Variants in ZNF197 observed in about 807,000 individuals in gnomAD.
ZNF197 encodes the protein VHL-associated KRAB-A domain-containing protein.
In ZNF197, 14 loss-of-function variants were observed where a neutral mutation model predicts 27.4. The ratio of observed to expected loss-of-function variants is 0.51; its 90% CI spans 0.34 to 0.80. The LOEUF is 0.80. Ranked by LOEUF, ZNF197 falls within the 30% of genes least tolerant of loss-of-function variation. The pLI, the probability that ZNF197 is intolerant of heterozygous loss-of-function variation, is 0.02. For synonymous variants in ZNF197, 415 were observed against 420.0 expected (o/e 0.99, Z 0.15); for missense variants, 1,090 against 1,222.6 (o/e 0.89, Z 1.62).
chr3:44,635,263 A>T (rs1702221311), intron 5 of ZNF197, among the ~76,000 whole-genome samples: 1 of 152,142 alleles, frequency 6.6e-6, no homozygotes, highest in African/African-American at 2.4e-5. Flanking sequence ...TAAATTAAAA[A>T]AAAAATGTGC....
At position 44,646,110 on chromosome 3, in the gene ZNF197, G is replaced by T; in HGVS notation, c.*1890G>T. On this transcript the variant is annotated 3_prime_UTR_variant, in exon 6 of 6. Transcript: ENST00000344387. ...GTAGCCAAGAGTGAAAACTGGAAGG[G>T]GCCTAAGGCTTAAAGTCTTAAGACC... 1.0e-6 allele frequency: 1 copy of T among 985,308 alleles called. No individual in the cohort carries two copies. Among genetic ancestry groups the T allele is most frequent in the Non-Finnish European group, 1.2e-6 (1 of 829,926 alleles). The allele number at this position is 985,308 out of a possible 1,614,324, so 61.0% of individuals were successfully genotyped here.
rs78520136 is a variant in ZNF197, at chr3:44,636,906, G to A, written c.769+4307G>A. On this transcript the variant is annotated intron_variant, in intron 5 of 5. Coordinates refer to ENST00000344387, the MANE Select transcript of ZNF197 (RefSeq NM_006991.5). The stretch of plus-strand genomic sequence containing the variant: ...TTTTTTATTTTAACTATCCTAGTGG[G>A]TCTGAAATGATATCTCACTGTGGTT... Among the ~76,000 whole-genome samples the A allele has an allele frequency of 6.6e-3, 1,008 of 152,182 alleles. 7 individuals are homozygous for A. Among genetic ancestry groups the A allele is most frequent in the African/African-American group, 0.023 (942 of 41,506 alleles).
At chr3:44,625,329 A>G (rs1204755058) in intron 1 of ZNF197, among the ~76,000 whole-genome samples, 186 bp downstream of exon 1, 1 of 152,162 alleles carries the variant, frequency 6.6e-6, no homozygotes, top group South Asian at 2.1e-4. Flanking sequence ...AGCCGGCCCG[A>G]GGGAAGTACT....
rs1365308541 is a variant in ZNF197 at position 44,640,606 on chromosome 3, G to C, written c.770-1294G>C. On this transcript the variant is annotated intron_variant, in intron 5 of 5. Coordinates refer to ENST00000344387, the MANE Select transcript of ZNF197 (RefSeq NM_006991.5). The surrounding 1 kb of genome is among the most constrained non-coding windows in gnomAD (Gnocchi z 4.0). ...TTGGCCAGGCTGGTCTCAAAGTCCT[G>C]ACCTCAAGTGATCCGCCCTCCTCAG... Among the ~76,000 whole-genome samples, 1 of 152,154 alleles carries C rather than the reference G, an allele frequency of 6.6e-6. No homozygotes were observed. The highest frequency in any genetic ancestry group is 1.5e-5 in the Non-Finnish European group (1 of 68,034).
rs1306933273 is a variant in ZNF197 at position 44,647,600 on chromosome 3, T to G, written c.*3380T>G. On this transcript the variant is annotated 3_prime_UTR_variant, in exon 6 of 6. Coordinates refer to ENST00000344387, the MANE Select transcript of ZNF197 (RefSeq NM_006991.5). ...ACAAATTGTGGTTTATGTATTACCA[T>G]GGAATACTTGTTACTCTGCAATAAA... 1 of 152,222 alleles carries G rather than the reference T, an allele frequency of 6.6e-6. No individual in the cohort carries two copies. The highest frequency in any genetic ancestry group is 1.5e-5 in the Non-Finnish European group (1 of 68,034). The allele number at this position is 152,222 out of a possible 1,614,324, so 9.4% of individuals were successfully genotyped here.
chr3:44,643,619 G>A lies in ZNF197; in HGVS notation c.2489G>A (p.Arg830His), dbSNP rs368139935. 2.4e-5 allele frequency: 39 copies of A among 1,614,044 alleles called. No individual in the cohort carries two copies. The highest frequency in any genetic ancestry group is 1.6e-4 in the Middle Eastern group (1 of 6,084). The change falls in exon 6 of 6, where the codon CGC becomes CAC. Residue 830 changes from arginine (R) to histidine (H), a missense_variant. Transcript: ENST00000344387. ...GACTGTGGGAAGGTCTTCAGTTACC[G>A]CTCAAACCTTATAGCCCATCAGAGG... ...CNDCGKVFSY[R>H]SNLIAHQRIH...
chr3:44,642,046 T>C lies in ZNF197; in HGVS notation c.916T>C (p.Leu306=), dbSNP rs140445014. 116 of 1,614,064 alleles carry C rather than the reference T, an allele frequency of 7.2e-5. No homozygotes were observed. The African/African-American group carries it at 1.2e-3, about 17-fold the overall frequency. ...DFEEECEWQV[L]ASQWGNETDE... ...TGAAGAAGAGTGTGAATGGCAAGTTTTGGCAAGTCAGTGGGGAAATGAAAC... is the reference window on the plus strand; with the variant it reads ...TGAAGAAGAGTGTGAATGGCAAGTTCTGGCAAGTCAGTGGGGAAATGAAAC... The change falls in exon 6 of 6, where the codon TTG becomes CTG. Residue 306 remains leucine (L), a synonymous_variant. Coordinates refer to ENST00000344387, the MANE Select transcript of ZNF197 (RefSeq NM_006991.5).
In ZNF197 at chr3:44,642,872, T is replaced by TCGAGG. The variant is rs771637062; in HGVS notation, c.1743_1744insGAGGC (p.Leu582GlufsTer82). 9.3e-6 allele frequency: 15 copies of TCGAGG among 1,614,028 alleles called. No individual in the cohort carries two copies. The highest frequency in any genetic ancestry group is 1.3e-5 in the African/African-American group (1 of 74,926). ...AAAGTTTTCATTCGAAGCAAAAGCC[T>TCGAGG]CCTCTTACATCAGAGAGTCCACACA... is the stretch of plus-strand genomic sequence containing the variant. On this transcript the variant is annotated frameshift_variant, in exon 6 of 6. Coordinates refer to ENST00000344387, the MANE Select transcript of ZNF197 (RefSeq NM_006991.5). LOFTEE classifies it low-confidence loss of function (END_TRUNC).
In ZNF197 at chr3:44,629,078, T is replaced by C. The variant is rs1161768368; in HGVS notation, c.-77T>C. Reference sequence around the variant, plus strand: ...TGATTTCTTGAGGTCTTGTAGATGATACTCTCCAAGCTGTAAGGAAGAAGT... The same window carrying C: ...TGATTTCTTGAGGTCTTGTAGATGACACTCTCCAAGCTGTAAGGAAGAAGT... On this transcript the variant is annotated 5_prime_UTR_variant, in exon 2 of 6. Coordinates refer to ENST00000344387, the MANE Select transcript of ZNF197 (RefSeq NM_006991.5). 1.3e-6 allele frequency: 2 copies of C among 1,522,554 alleles called. No individual in the cohort carries two copies. The highest frequency in any genetic ancestry group is 4.5e-5 in the East Asian group (2 of 44,248). 94.3% of individuals were successfully genotyped at this position (1,522,554 alleles called of 1,614,324 possible). A position where few individuals can be genotyped will look rare whatever the true frequency, so the allele number is the denominator to read the frequency against.
In ZNF197 at chr3:44,642,953, A is replaced by T; in HGVS notation, c.1823A>T (p.Asn608Ile). Residue 608 changes from asparagine to isoleucine, a missense_variant, in exon 6 of 6, where the codon AAC becomes ATC. Asn to Ile is a moderately radical substitution (Grantham distance 149, BLOSUM62 -3). Transcript: ENST00000344387. ...GGGAAGATTTTCAGTTCTAAGTCAA[A>T]CTTCATTGACCATAAGAGGATGCAC... ...KCGKIFSSKSNFIDHKRMHSR... is the reference protein window; with the variant it reads ...KCGKIFSSKSIFIDHKRMHSR... 6.2e-7 allele frequency: 1 copy of T among 1,613,904 alleles called. No individual in the cohort carries two copies. Among genetic ancestry groups the T allele is most frequent in the South Asian group, 1.1e-5 (1 of 91,054 alleles).
In ZNF197 at chr3:44,640,723, C is replaced by A. The variant is rs1702553510; in HGVS notation, c.770-1177C>A. On this transcript the variant is annotated intron_variant, in intron 5 of 5. Coordinates refer to ENST00000344387, the MANE Select transcript of ZNF197 (RefSeq NM_006991.5). The surrounding 1 kb of genome is among the most constrained non-coding windows in gnomAD (Gnocchi z 4.0). ...CACTGTGAATAAGGAAACTGAAGTA[C>A]CAGCATTAGATAGGCTTAAGACACA... Among the ~76,000 whole-genome samples, 1 of 152,266 alleles carries A rather than the reference C, an allele frequency of 6.6e-6. No individual in the cohort carries two copies. The highest frequency in any genetic ancestry group is 2.4e-5 in the African/African-American group (1 of 41,544).
Position 44,642,018 on chromosome 3 carries a change from T to G in ZNF197, c.888T>G (p.Asp296Glu), listed in dbSNP as rs1055874639. The change falls in exon 6 of 6, where the codon GAT becomes GAG. Residue 296 changes from aspartate to glutamate, a missense_variant. Coordinates refer to ENST00000344387, the MANE Select transcript of ZNF197 (RefSeq NM_006991.5). ...RLQGSVPQVL[D>E]FEEECEWQVL... is the part of the protein sequence containing the mutation. The stretch of plus-strand genomic sequence containing the variant: ...AAGGAAGTGTTCCCCAGGTCCTTGA[T>G]TTTGAAGAAGAGTGTGAATGGCAAG... 1 of 1,613,904 alleles carries G rather than the reference T, an allele frequency of 6.2e-7. No individual in the cohort carries two copies. The highest frequency in any genetic ancestry group is 8.5e-7 in the Non-Finnish European group (1 of 1,179,960).
At chr3:44,626,988 G>A (rs893931398) in intron 1 of ZNF197, among the ~76,000 whole-genome samples, 2 of 152,070 alleles carry the variant, frequency 1.3e-5, no homozygotes, top group African/African-American at 2.4e-5. Context: ...ATAAAAATGC[G>A]GAGAGGGGCT....
Position 44,645,541 on chromosome 3 carries a change from C to T in ZNF197, c.*1321C>T. 1.0e-6 allele frequency: 1 copy of T among 985,082 alleles called. No individual in the cohort carries two copies. Among genetic ancestry groups the T allele is most frequent in the Non-Finnish European group, 1.2e-6 (1 of 829,894 alleles). 61.0% of individuals were successfully genotyped at this position (985,082 alleles called of 1,614,324 possible). A position where few individuals can be genotyped will look rare whatever the true frequency, so the allele number is the denominator to read the frequency against. The stretch of plus-strand genomic sequence containing the variant: ...GATGCCAAGGAAAACAATTTATTTC[C>T]CAGCTTTTGAATTTGAAACTTAACA... On this transcript the variant is annotated 3_prime_UTR_variant, in exon 6 of 6. Transcript: ENST00000344387.
chr3:44,630,761 A>G (rs1414409808), intron 2 of ZNF197: 1 of 504,062 alleles, frequency 2.0e-6, no homozygotes, highest in South Asian at 1.6e-5. Context: ...GCTAAAATCC[A>G]TGCTCTTAAT....
chr3:44,643,903 A>G lies in ZNF197; in HGVS notation c.2773A>G (p.Thr925Ala). The G allele has an allele frequency of 1.2e-6, 2 of 1,613,976 alleles. No individual in the cohort carries two copies. Among genetic ancestry groups the G allele is most frequent in the African/African-American group, 1.3e-5 (1 of 75,068 alleles). The change falls in exon 6 of 6, where the codon ACT (threonine) becomes GCT (alanine). Residue 925 changes from threonine to alanine, a missense_variant. Physicochemically the swap from Thr to Ala is moderately conservative, Grantham distance 58. Coordinates refer to ENST00000344387, the MANE Select transcript of ZNF197 (RefSeq NM_006991.5). ...KNLVVHQRMH[T>A]GEKPYECDKC... The stretch of plus-strand genomic sequence containing the variant: ...CCTTGTTGTACATCAGAGAATGCAC[A>G]CTGGGGAAAAACCTTATGAGTGTGA...
rs1476581033 is a variant in ZNF197, at chr3:44,642,927, T to C, written c.1797T>C (p.Cys599=). The change falls in exon 6 of 6, where the codon TGT becomes TGC. Residue 599 remains cysteine (C), a synonymous_variant. Transcript: ENST00000344387. The part of the protein sequence containing the change: ...TEKKTFGCKK[C]GKIFSSKSNF... ...AGAAAACCTTTGGTTGTAAAAAGTG[T>C]GGGAAGATTTTCAGTTCTAAGTCAA... The C allele has an allele frequency of 6.2e-7, 1 of 1,613,998 alleles. No individual in the cohort carries two copies.
intron 1 of ZNF197, among the ~76,000 whole-genome samples, chr3:44,625,973 A>G (rs1032123752): frequency 1.3e-5 from 2 of 152,218 alleles, no homozygotes; most frequent in African/African-American, 4.8e-5. Flanking sequence ...CCCTGAATTC[A>G]GAATTTGCTC....
At chr3:44,628,433 C>T (rs1701791591) in intron 1 of ZNF197, among the ~76,000 whole-genome samples, 1 of 152,084 alleles carries the variant, frequency 6.6e-6, no homozygotes, top group Non-Finnish European at 1.5e-5. Context: ...ACAGAAAGAA[C>T]AATTTTCAGA....
Sources: gnomAD v4.1 joint callset for allele counts (sites outside exome capture counted in the v4.1 genomes callset) on GRCh38, gnomAD v4.1.1 for gene constraint, Gnocchi (gnomAD v3.1) non-coding constraint, MANE v1.5 for transcripts, NCBI Gene and HGNC (gene_info 2026-07-23, HGNC 2026-07-21) for gene names.